The following CNTN3 variants were observed in gnomAD, a reference collection of about 807,000 sequenced individuals.
CNTN3 encodes contactin-3.
CNTN3 carries 60 observed loss-of-function variants against 119.1 expected under a neutral mutation model. That is an observed-to-expected ratio of 0.50 (90% CI 0.41 to 0.62). The LOEUF is 0.62. CNTN3 is among the 20% of genes least tolerant of loss of function. The pLI, the probability that CNTN3 is intolerant of heterozygous loss-of-function variation, is 0.00. For synonymous variants in CNTN3, 450 were observed against 438.7 expected, an observed-to-expected ratio of 1.03 and a Z score of -0.32; for missense variants, 1,101 against 1,242.4, an observed-to-expected ratio of 0.89 and a Z score of 1.71.
chr3:74,451,951 G>T (rs9759042), intron 4 of CNTN3, among the ~76,000 whole-genome samples: 50,498 of 87,218 alleles, frequency 0.58, 16,300 homozygotes, highest in African/African-American at 0.64. Context: ...GGTAGCGTGA[G>T]GCCTCCAGCT....
chr3:74,602,725 T>C (rs1704931861), intron 1 of CNTN3, among the ~76,000 whole-genome samples: 1 of 152,120 alleles, frequency 6.6e-6, no homozygotes, highest in Admixed American at 6.5e-5. Context: ...ATATAAACTA[T>C]ACTACTGTTT....
chr3:74,534,012 C>A (rs1703728617), intron 1 of CNTN3, among the ~76,000 whole-genome samples: 1 of 152,006 alleles, frequency 6.6e-6, no homozygotes, highest in African/African-American at 2.4e-5. Context: ...GGTGAGAATC[C>A]CAACTTCAGA....
At chr3:74,299,983 G>C (rs764856408) in intron 16 of CNTN3, 45 bp from the exon 17 acceptor site, 8 of 1,219,878 alleles carry the variant, frequency 6.6e-6, no homozygotes, top group Admixed American at 2.4e-5. Context: ...CTTGCATTTA[G>C]TAATATTTAT....
At chr3:74,440,088 A>G (rs1701936299) in intron 4 of CNTN3, among the ~76,000 whole-genome samples, 1 of 152,202 alleles carries the variant, frequency 6.6e-6, no homozygotes, top group African/African-American at 2.4e-5. Flanking sequence ...TCCATTAGTT[A>G]TCACTTCCTA....
chr3:74,307,297 T>G (rs928508361), intron 13 of CNTN3, among the ~76,000 whole-genome samples: 3 of 152,214 alleles, frequency 2.0e-5, no homozygotes, highest in African/African-American at 7.2e-5. Flanking sequence ...GACAGTAATA[T>G]TTTTTCTTTT....
chr3:74,320,546 A>T (rs1230258858), intron 13 of CNTN3, among the ~76,000 whole-genome samples: 1 of 152,186 alleles, frequency 6.6e-6, no homozygotes, highest in African/African-American at 2.4e-5. Context: ...GAGGGATAGC[A>T]TTAGGAGATA....
At chr3:74,420,190 C>T (rs1701594409) in intron 5 of CNTN3, among the ~76,000 whole-genome samples, 1 of 152,138 alleles carries the variant, frequency 6.6e-6, no homozygotes, top group East Asian at 1.9e-4. Context: ...TCTGTTGCTG[C>T]GAGGTTACAG....
At chr3:74,551,395 C>A (rs939076223) in intron 1 of CNTN3, among the ~76,000 whole-genome samples, 2 of 152,172 alleles carry the variant, frequency 1.3e-5, no homozygotes, top group Non-Finnish European at 2.9e-5. Context: ...TCCCTCAACA[C>A]ACATGCACAC....
chr3:74,381,086 T>TCA (rs1364214233), intron 5 of CNTN3, among the ~76,000 whole-genome samples: 2,018 of 144,822 alleles, frequency 0.014, 41 homozygotes, highest in African/African-American at 0.046. Flanking sequence ...TCTCTCTCTC[T>TCA]CACACACACA....
chr3:74,608,954 A>C (rs1705036572), intron 1 of CNTN3, among the ~76,000 whole-genome samples: 1 of 152,146 alleles, frequency 6.6e-6, no homozygotes, highest in African/African-American at 2.4e-5. Context: ...TACCTGGAGG[A>C]ATGGCTAGGT....
At chr3:74,499,074 T>C (rs569802894) in intron 3 of CNTN3, among the ~76,000 whole-genome samples, 311 of 2,948 alleles carry the variant, frequency 0.11, 2 homozygotes, top group Non-Finnish European at 0.027. Context: ...TTTTTTCTTT[T>C]TTCCTTATAC....
At chr3:74,537,313 G>C (rs1454430971) in intron 1 of CNTN3, among the ~76,000 whole-genome samples, 1 of 152,092 alleles carries the variant, frequency 6.6e-6, no homozygotes, top group East Asian at 1.9e-4. Flanking sequence ...TCAGATTTAG[G>C]GAAGTAGTCG....
intron 4 of CNTN3, among the ~76,000 whole-genome samples, chr3:74,442,157 A>G (rs1012329782): frequency 1.0e-4 from 11 of 106,876 alleles, no homozygotes; most frequent in Non-Finnish European, 1.8e-4. Flanking sequence ...ACACACACAC[A>G]CACACACACA....
At chr3:74,404,929 G>A (rs1575693124) in intron 5 of CNTN3, among the ~76,000 whole-genome samples, 1 of 151,960 alleles carries the variant, frequency 6.6e-6, no homozygotes. Flanking sequence ...CACTCTAGTC[G>A]AATCCATCAC....
intron 19 of CNTN3, among the ~76,000 whole-genome samples, chr3:74,287,494 T>C (rs1202250925): frequency 6.6e-6 from 1 of 152,210 alleles, no homozygotes; most frequent in Non-Finnish European, 1.5e-5. Context: ...ACAAAAAGAA[T>C]TATGTTCATA....
chr3:74,450,108 T>A (rs952337226), intron 4 of CNTN3, among the ~76,000 whole-genome samples: 4 of 152,086 alleles, frequency 2.6e-5, no homozygotes, highest in African/African-American at 9.7e-5. Context: ...TGAAATGAAT[T>A]AAGTTTATAA....
intron 5 of CNTN3, among the ~76,000 whole-genome samples, chr3:74,407,752 T>C (rs1353830899): frequency 2.0e-5 from 3 of 151,804 alleles, no homozygotes; most frequent in South Asian, 4.2e-4. Context: ...TGTAGCAAAA[T>C]TGCACTTGTA....
At chr3:74,376,077 C>T (rs1363750578) in intron 5 of CNTN3, among the ~76,000 whole-genome samples, 2 of 152,218 alleles carry the variant, frequency 1.3e-5, no homozygotes, top group Middle Eastern at 3.4e-3. Context: ...CAAAGGAACA[C>T]GGGCAGCCTC....
chr3:74,273,189 T>C (rs1035143688), intron 20 of CNTN3, among the ~76,000 whole-genome samples: 13 of 152,164 alleles, frequency 8.5e-5, no homozygotes, highest in Non-Finnish European at 8.8e-5. Flanking sequence ...GCAATAGTCA[T>C]TTAATAAAAA....
Sources: gnomAD v4.1 joint callset for allele counts (sites outside exome capture counted in the v4.1 genomes callset) on GRCh38, gnomAD v4.1.1 for gene constraint, MANE v1.5 for transcripts, NCBI Gene and HGNC (gene_info 2026-07-23, HGNC 2026-07-21) for gene names.